C14orf132: variants seen among roughly 807,000 people sequenced by gnomAD.
C14orf132 encodes the protein chromosome 14 open reading frame 132.
In C14orf132, 6 loss-of-function variants were observed where a neutral mutation model predicts 5.8. The ratio of observed to expected loss-of-function variants is 1.03; its 90% CI spans 0.57 to 2.04. The LOEUF is 2.04. Ranked by LOEUF, C14orf132 falls within the 30% of genes most tolerant of loss-of-function variation. C14orf132 has a pLI of 0.00. For missense variants in C14orf132, 125 were observed against 115.8 expected (o/e 1.08, Z -0.37); for synonymous variants, 51 against 49.8 (o/e 1.02, Z -0.10).
Position 96,084,829 on chromosome 14 carries a change from A to G in C14orf132, c.28-1682A>G, listed in dbSNP as rs140009279. Among the ~76,000 whole-genome samples, 372 of 152,290 alleles carry G rather than the reference A, an allele frequency of 2.4e-3. 3 individuals are homozygous for G. The highest frequency in any genetic ancestry group is 8.5e-3 in the African/African-American group (354 of 41,552). Reference sequence around the variant, plus strand: ...TCAAGGACAGCACCATGTTAGGAATATAGGTGCCGAGTGCCTCCTGGCAGG... The same window carrying G: ...TCAAGGACAGCACCATGTTAGGAATGTAGGTGCCGAGTGCCTCCTGGCAGG... On this transcript the variant is annotated intron_variant, in intron 1 of 1. Coordinates refer to ENST00000555004, the MANE Select transcript of C14orf132 (RefSeq NM_001252507.3).
chr14:96,074,938 T>G (rs1211238784), intron 1 of C14orf132, among the ~76,000 whole-genome samples: 1 of 152,238 alleles, frequency 6.6e-6, no homozygotes, highest in African/African-American at 2.4e-5. Flanking sequence ...AATCAGCTTG[T>G]TGGCATTGAC....
Position 96,088,175 on chromosome 14 carries a change from G to C in C14orf132, c.*1440G>C. ...TTTAGAGACAATTACAAGAAAGCTG[G>C]ACTTGCCGCTGTGGTCTCAGGAGAA... On this transcript the variant is annotated 3_prime_UTR_variant, in exon 2 of 2. Transcript: ENST00000555004. The C allele has an allele frequency of 6.6e-6, 1 of 152,160 alleles. No individual in the cohort carries two copies. Among genetic ancestry groups the C allele is most frequent in the East Asian group, 1.9e-4 (1 of 5,182 alleles). The allele number at this position is 152,160 out of a possible 1,614,324, so 9.4% of individuals were successfully genotyped here. A position where few individuals can be genotyped will look rare whatever the true frequency, so the allele number is the denominator to read the frequency against.
chr14:96,081,449 G>A (rs11626668), intron 1 of C14orf132, among the ~76,000 whole-genome samples: 83,856 of 152,024 alleles, frequency 0.55, 23,912 homozygotes, highest in East Asian at 0.9. Flanking sequence ...ATTCTTGACT[G>A]ATGGTCCTAG....
At chr14:96,086,160 GA>G (rs1222507267) in intron 1 of C14orf132, among the ~76,000 whole-genome samples, 2 of 152,178 alleles carry the variant, frequency 1.3e-5, no homozygotes, top group African/African-American at 2.4e-5. Flanking sequence ...GAAGAGGAAT[GA>G]AGGCATTTTA....
chr14:96,063,404 T>A (rs1235524055), intron 1 of C14orf132, among the ~76,000 whole-genome samples: 1 of 151,974 alleles, frequency 6.6e-6, no homozygotes, highest in Non-Finnish European at 1.5e-5. Context: ...TGTCTCCTGG[T>A]TTCAAGTGAT....
rs1566823763 is a variant in C14orf132, at chr14:96,049,580, GTATATATATACATATATACGTATATATA to G, written c.27+10056_27+10083del. 4.4e-4 allele frequency among the ~76,000 whole-genome samples: 51 copies of G among 115,292 alleles called. 1 individual carries two copies. Among genetic ancestry groups the G allele is most frequent in the Non-Finnish European group, 6.3e-4 (36 of 56,818 alleles). 75.6% of individuals were successfully genotyped at this position (115,292 alleles called of 152,430 possible). A position where few individuals can be genotyped will look rare whatever the true frequency, so the allele number is the denominator to read the frequency against. On this transcript the variant is annotated intron_variant, in intron 1 of 1. Coordinates refer to ENST00000555004, the MANE Select transcript of C14orf132 (RefSeq NM_001252507.3). Reference sequence around the variant, plus strand: ...TATATACGTATATATACATATATACGTATATATATACATATATACGTATATATATACATATATACGTATATATATACAT... The same window carrying G: ...TATATACGTATATATACATATATACGTACATATATACGTATATATATACAT...
chr14:96,044,024 G>A (rs1216838156), intron 1 of C14orf132, among the ~76,000 whole-genome samples: 1 of 152,210 alleles, frequency 6.6e-6, no homozygotes, highest in African/African-American at 2.4e-5. Context: ...AGGGCCAGGA[G>A]CGGAGCCACA....
chr14:96,046,751 C>G (rs1393606083), intron 1 of C14orf132, among the ~76,000 whole-genome samples: 1 of 152,198 alleles, frequency 6.6e-6, no homozygotes, highest in African/African-American at 2.4e-5. Context: ...TGGCATATCC[C>G]CTGCTAATTC....
chr14:96,064,363 TACACACACAC>T (rs148402921), intron 1 of C14orf132, among the ~76,000 whole-genome samples: 7 of 135,858 alleles, frequency 5.2e-5, no homozygotes, highest in South Asian at 2.5e-4. Context: ...GGTGCATATA[TACACACACAC>T]ACACACACAC....
At chr14:96,069,185 A>ATATATATATATATATG (rs1454889338) in intron 1 of C14orf132, among the ~76,000 whole-genome samples, 1 of 143,504 alleles carries the variant, frequency 7.0e-6, no homozygotes, top group Non-Finnish European at 1.5e-5. Context: ...ATATGTATAT[A>ATATATATATATATATG]TATATATATG....
chr14:96,045,275 AG>A (rs35547377), intron 1 of C14orf132, among the ~76,000 whole-genome samples: 3 of 152,224 alleles, frequency 2.0e-5, no homozygotes, highest in African/African-American at 4.8e-5. Flanking sequence ...GCAAGCCTTC[AG>A]GGGTTTTTGA....
chr14:96,065,498 G>A (rs887366881), intron 1 of C14orf132, among the ~76,000 whole-genome samples: 7 of 152,072 alleles, frequency 4.6e-5, no homozygotes, highest in Non-Finnish European at 8.8e-5. Flanking sequence ...GCGTGTGCTC[G>A]CTGATGGAGA....
At chr14:96,085,988 TCACA>T (rs10558318) in intron 1 of C14orf132, among the ~76,000 whole-genome samples, 49 of 148,790 alleles carry the variant, frequency 3.3e-4, no homozygotes, top group Admixed American at 6.7e-4. Context: ...TCTCTCTCTG[TCACA>T]CACACACACA....
rs148446629 is a variant in C14orf132, at chr14:96,081,185, T to C, written c.28-5326T>C. 4.5e-3 allele frequency among the ~76,000 whole-genome samples: 679 copies of C among 152,328 alleles called. 15 individuals carry two copies. Among genetic ancestry groups the C allele is most frequent in the Non-Finnish European group, 2.7e-3 (187 of 68,020 alleles). ...TTTGTATAAATCCATGCATAGTACA[T>C]GGTCATATTATGCATGCATGTTTTT... On this transcript the variant is annotated intron_variant, in intron 1 of 1. Transcript: ENST00000555004.
intron 1 of C14orf132, among the ~76,000 whole-genome samples, chr14:96,070,411 C>A (rs947214314): frequency 2.6e-5 from 4 of 152,166 alleles, no homozygotes; most frequent in African/African-American, 9.7e-5. Flanking sequence ...TCTTCTCCTT[C>A]TGCACCGTCT....
chr14:96,069,091 C>G (rs1173741656), intron 1 of C14orf132, among the ~76,000 whole-genome samples: 1 of 151,084 alleles, frequency 6.6e-6, no homozygotes, highest in Non-Finnish European at 1.5e-5. Context: ...CCCTGAGTCT[C>G]CAGCTTGCCG....
intron 1 of C14orf132, among the ~76,000 whole-genome samples, chr14:96,053,376 G>A (rs1230519535): frequency 6.6e-6 from 1 of 152,232 alleles, no homozygotes; most frequent in Admixed American, 6.5e-5. Context: ...TATGAAAGGT[G>A]ACCAAGGAGC....
At chr14:96,082,049 T>C (rs770656178) in intron 1 of C14orf132, among the ~76,000 whole-genome samples, 7 of 152,220 alleles carry the variant, frequency 4.6e-5, no homozygotes, top group Non-Finnish European at 1.0e-4. Context: ...ACTAGTTTTC[T>C]TGTTCTGCCC....
rs1049418628 is a variant in C14orf132, at chr14:96,092,041, C to G, written c.*5306C>G. On this transcript the variant is annotated 3_prime_UTR_variant, in exon 2 of 2. Coordinates refer to ENST00000555004, the MANE Select transcript of C14orf132 (RefSeq NM_001252507.3). ...TCAAAGACTCCCTGGAGCGAGAAAACAGTTACTGCCAGAAGCAGAATGGAA... is the reference window on the plus strand; with the variant it reads ...TCAAAGACTCCCTGGAGCGAGAAAAGAGTTACTGCCAGAAGCAGAATGGAA... The G allele has an allele frequency of 6.6e-6, 1 of 152,204 alleles. No individual in the cohort carries two copies. The highest frequency in any genetic ancestry group is 1.5e-5 in the Non-Finnish European group (1 of 68,038). 9.4% of individuals were successfully genotyped at this position (152,204 alleles called of 1,614,324 possible).
Sources: gnomAD v4.1 joint callset for allele counts (sites outside exome capture counted in the v4.1 genomes callset) on GRCh38, gnomAD v4.1.1 for gene constraint, MANE v1.5 for transcripts, NCBI Gene and HGNC (gene_info 2026-07-23, HGNC 2026-07-21) for gene names.